MAN1A1: variants seen among roughly 807,000 people sequenced by gnomAD.
MAN1A1 encodes mannosidase alpha class 1A member 1, also known as mannosyl-oligosaccharide 1,2-alpha-mannosidase IA.
A neutral mutation model predicts 70.8 loss-of-function variants in MAN1A1; 29 were observed. The ratio of observed to expected loss-of-function variants is 0.41; its 90% CI spans 0.31 to 0.56. The LOEUF is 0.56. MAN1A1 is among the 20% of genes least tolerant of loss of function. MAN1A1 has a pLI of 0.29. For missense variants in MAN1A1, 747 were observed against 841.3 expected (o/e 0.89, Z 1.39); for synonymous variants, 349 against 330.1 (o/e 1.06, Z -0.62).
chr6:119,226,814 G>C (rs766599419), intron 6 of MAN1A1, among the ~76,000 whole-genome samples: 2 of 151,266 alleles, frequency 1.3e-5, no homozygotes, highest in Non-Finnish European at 2.9e-5. Flanking sequence ...GGGATTACAG[G>C]TGTGAGCCAC....
At chr6:119,225,131 G>A (rs914700125) in intron 6 of MAN1A1, among the ~76,000 whole-genome samples, 5 of 151,924 alleles carry the variant, frequency 3.3e-5, no homozygotes, top group Admixed American at 2.6e-4. Flanking sequence ...GCAACAGAGC[G>A]AGACTCTGTC....
chr6:119,205,030 C>T, intron 6 of MAN1A1, 148 bp from the exon 7 acceptor site: 2 of 762,264 alleles, frequency 2.6e-6, no homozygotes, highest in Non-Finnish European at 3.9e-6. Flanking sequence ...GCACTGTCTT[C>T]TTTGGCTACC....
At chr6:119,305,056 A>G (rs889135552) in intron 3 of MAN1A1, among the ~76,000 whole-genome samples, 5 of 152,180 alleles carry the variant, frequency 3.3e-5, no homozygotes, top group African/African-American at 1.2e-4. Flanking sequence ...TTGAAGATGG[A>G]ATGAGATTAA....
chr6:119,210,091 G>T (rs994572069), intron 6 of MAN1A1, among the ~76,000 whole-genome samples: 5 of 152,116 alleles, frequency 3.3e-5, no homozygotes, highest in African/African-American at 1.2e-4. Context: ...CTCTTGACTC[G>T]CAGTACTGCT....
At chr6:119,309,773 C>T (rs996732318) in intron 2 of MAN1A1, among the ~76,000 whole-genome samples, 6 of 152,182 alleles carry the variant, frequency 3.9e-5, no homozygotes, top group African/African-American at 1.4e-4. Context: ...TTCATAATTG[C>T]AACCCATTAT....
intron 5 of MAN1A1, among the ~76,000 whole-genome samples, chr6:119,263,059 T>C (rs1404611967): frequency 6.6e-6 from 1 of 152,176 alleles, no homozygotes; most frequent in African/African-American, 2.4e-5. Flanking sequence ...CCGTGCTGGA[T>C]GCTTCCTGCC....
chr6:119,262,879 G>A (rs1196032005), intron 5 of MAN1A1, among the ~76,000 whole-genome samples: 1 of 152,224 alleles, frequency 6.6e-6, no homozygotes, highest in Non-Finnish European at 1.5e-5. Flanking sequence ...TCCTGGGTGT[G>A]TCTGTGTGGG....
chr6:119,346,087 C>G (rs1265922980), intron 2 of MAN1A1, among the ~76,000 whole-genome samples: 1 of 152,188 alleles, frequency 6.6e-6, no homozygotes, highest in Non-Finnish European at 1.5e-5. Flanking sequence ...GCCTGGGCAA[C>G]AGAGCCAGAC....
chr6:119,308,500 T>C (rs982044239), intron 2 of MAN1A1, among the ~76,000 whole-genome samples: 13 of 152,194 alleles, frequency 8.5e-5, no homozygotes, highest in Non-Finnish European at 1.9e-4. Flanking sequence ...GTCACAGTTT[T>C]TGTGACTCTT....
At chr6:119,300,085 G>C (rs917131180) in intron 4 of MAN1A1, among the ~76,000 whole-genome samples, 6 of 152,094 alleles carry the variant, frequency 3.9e-5, no homozygotes, top group African/African-American at 1.4e-4. Flanking sequence ...ATGCTTTCCA[G>C]TTTTCCATCA....
intron 4 of MAN1A1, among the ~76,000 whole-genome samples, chr6:119,298,843 G>A (rs1231065236): frequency 1.3e-5 from 2 of 151,800 alleles, no homozygotes; most frequent in Non-Finnish European, 2.9e-5. Flanking sequence ...TGATCCACCC[G>A]CCTCGGCCTC....
chr6:119,289,427 ACTTTTTAAAAATATAGGGTTTTAGG>A (rs1776471369), intron 5 of MAN1A1, among the ~76,000 whole-genome samples: 1 of 150,854 alleles, frequency 6.6e-6, no homozygotes, highest in African/African-American at 2.5e-5. Flanking sequence ...TTTAAACATA[ACTTTTTAAAAATATAGGGTTTTAGG>A]GTTTTTTGGT....
At chr6:119,318,959 A>G (rs2114473059) in intron 2 of MAN1A1, among the ~76,000 whole-genome samples, 1 of 152,370 alleles carries the variant, frequency 6.6e-6, no homozygotes, top group Non-Finnish European at 1.5e-5. Context: ...CAATATTACT[A>G]GCTTGAATGT....
chr6:119,257,907 G>C (rs1335255502), intron 5 of MAN1A1, among the ~76,000 whole-genome samples: 1 of 151,986 alleles, frequency 6.6e-6, no homozygotes, highest in Non-Finnish European at 1.5e-5. Context: ...CTCAATTTTA[G>C]GTTTAAAAAA....
chr6:119,253,558 G>A (rs1352267163), intron 5 of MAN1A1, among the ~76,000 whole-genome samples: 1 of 152,122 alleles, frequency 6.6e-6, no homozygotes, highest in East Asian at 1.9e-4. Context: ...ACAATCAGAA[G>A]GATGCAGAAA....
chr6:119,328,461 A>G (rs1209711898), intron 2 of MAN1A1, among the ~76,000 whole-genome samples: 3 of 152,250 alleles, frequency 2.0e-5, no homozygotes, highest in Admixed American at 6.5e-5. Flanking sequence ...CAAAGCCACA[A>G]GCTCTCTCAT....
intron 5 of MAN1A1, among the ~76,000 whole-genome samples, chr6:119,249,945 T>C (rs1775272898): frequency 6.6e-6 from 1 of 152,212 alleles, no homozygotes; most frequent in Non-Finnish European, 1.5e-5. Context: ...ACATTCCTTG[T>C]ATACAAATAA....
At chr6:119,275,062 C>T (rs967792463) in intron 5 of MAN1A1, among the ~76,000 whole-genome samples, 3 of 151,702 alleles carry the variant, frequency 2.0e-5, no homozygotes, top group African/African-American at 7.3e-5. Flanking sequence ...CTTAATTATT[C>T]TTTGTTGCCC....
intron 2 of MAN1A1, among the ~76,000 whole-genome samples, chr6:119,307,431 T>C (rs771623124): frequency 3.3e-5 from 5 of 152,224 alleles, no homozygotes; most frequent in Admixed American, 6.5e-5. Context: ...CAGACAAATA[T>C]TCAGGTTATC....
Sources: gnomAD v4.1 joint callset for allele counts (sites outside exome capture counted in the v4.1 genomes callset) on GRCh38, gnomAD v4.1.1 for gene constraint, MANE v1.5 for transcripts, NCBI Gene and HGNC (gene_info 2026-07-23, HGNC 2026-07-21) for gene names.